KCND2: variants seen among roughly 807,000 people sequenced by gnomAD.
The protein encoded by KCND2 is A-type voltage-gated potassium channel KCND2.
Under a neutral mutation model 54.4 loss-of-function variants are expected in KCND2, and 16 were observed. The ratio of observed to expected loss-of-function variants is 0.29; its 90% confidence interval spans 0.20 to 0.45. The LOEUF is 0.45. KCND2 is among the 20% of genes least tolerant of loss of function. The probability of loss-of-function intolerance (pLI) is 1.00; values close to 1 mark genes in which losing one functional copy is unlikely to be tolerated. For synonymous variants in KCND2, 317 were observed against 310.7 expected (o/e 1.02, Z -0.21); for missense variants, 486 against 824.2 (o/e 0.59, Z 5.02).
intron 1 of KCND2, among the ~76,000 whole-genome samples, chr7:120,336,846 C>G (rs1303268651): frequency 6.6e-6 from 1 of 152,056 alleles, no homozygotes; most frequent in Non-Finnish European, 1.5e-5. Flanking sequence ...AGAAGGATCT[C>G]TAGGAGGCCA....
intron 1 of KCND2, among the ~76,000 whole-genome samples, chr7:120,298,491 G>T (rs758284313): frequency 2.0e-5 from 3 of 152,198 alleles, no homozygotes; most frequent in Non-Finnish European, 4.4e-5. Context: ...TTGAATATCA[G>T]TGTTATTTGG....
intron 1 of KCND2, among the ~76,000 whole-genome samples, chr7:120,504,406 A>G (rs745814430): frequency 6.6e-6 from 1 of 151,884 alleles, no homozygotes; most frequent in Non-Finnish European, 1.5e-5. Flanking sequence ...TTATAAACTC[A>G]AGTATGTGGA....
chr7:120,578,604 C>G (rs1188759832), intron 1 of KCND2, among the ~76,000 whole-genome samples: 1 of 152,138 alleles, frequency 6.6e-6, no homozygotes, highest in Non-Finnish European at 1.5e-5. Flanking sequence ...CAGTGGTTCA[C>G]ACCTGTAATC....
intron 1 of KCND2, among the ~76,000 whole-genome samples, chr7:120,407,470 A>G (rs1381058754): frequency 6.6e-6 from 1 of 152,056 alleles, no homozygotes; most frequent in Non-Finnish European, 1.5e-5. Flanking sequence ...GTTTAGGCAC[A>G]TGGACTTTGG....
At chr7:120,510,001 C>T (rs920484028) in intron 1 of KCND2, among the ~76,000 whole-genome samples, 1 of 152,106 alleles carries the variant, frequency 6.6e-6, no homozygotes, top group Non-Finnish European at 1.5e-5. Flanking sequence ...CTACAGGAAG[C>T]AATCCCTTTT....
chr7:120,359,985 A>G (rs1028525485), intron 1 of KCND2, among the ~76,000 whole-genome samples: 2 of 152,142 alleles, frequency 1.3e-5, no homozygotes, highest in East Asian at 3.9e-4. Context: ...ACTGTGAGTC[A>G]ATTAAACCTC....
chr7:120,406,797 G>T (rs542431486), intron 1 of KCND2, among the ~76,000 whole-genome samples: 65 of 152,044 alleles, frequency 4.3e-4, no homozygotes, highest in Non-Finnish European at 6.9e-4. Context: ...AAAGTAAAAT[G>T]ATCGTTTTTA....
chr7:120,717,288 A>G (rs948261203), intron 1 of KCND2, among the ~76,000 whole-genome samples: 5 of 152,164 alleles, frequency 3.3e-5, no homozygotes, highest in African/African-American at 9.6e-5. Flanking sequence ...GACAATGTCA[A>G]TGACTACTGG....
intron 1 of KCND2, among the ~76,000 whole-genome samples, chr7:120,480,949 GC>G (rs1264792242): frequency 6.6e-6 from 1 of 152,132 alleles, no homozygotes; most frequent in Non-Finnish European, 1.5e-5. Flanking sequence ...GTTTAAAACA[GC>G]CTAGATTGCC....
chr7:120,594,518 A>G (rs916319400), intron 1 of KCND2, among the ~76,000 whole-genome samples: 6 of 152,006 alleles, frequency 3.9e-5, no homozygotes, highest in African/African-American at 1.5e-4. Flanking sequence ...TGGAGGCTCC[A>G]CTCTCTTGAC....
At chr7:120,728,691 A>C (rs1180938272) in intron 1 of KCND2, among the ~76,000 whole-genome samples, 2 of 152,072 alleles carry the variant, frequency 1.3e-5, no homozygotes, top group Non-Finnish European at 2.9e-5. Context: ...AAATATATAT[A>C]TGAATATAAA....
intron 1 of KCND2, among the ~76,000 whole-genome samples, chr7:120,621,183 G>T (rs1421093044): frequency 7.0e-6 from 1 of 142,944 alleles, no homozygotes; most frequent in Non-Finnish European, 1.5e-5. Context: ...TGAGGCAGGA[G>T]AATCACTTGA....
intron 1 of KCND2, among the ~76,000 whole-genome samples, chr7:120,373,508 TAATG>T (rs1008950389): frequency 6.6e-6 from 1 of 151,908 alleles, no homozygotes; most frequent in African/African-American, 2.4e-5. Flanking sequence ...ATGAGAATAA[TAATG>T]AACTTAATTG....
intron 1 of KCND2, among the ~76,000 whole-genome samples, chr7:120,668,823 G>A (rs139900076): frequency 3.5e-4 from 53 of 152,060 alleles, no homozygotes; most frequent in African/African-American, 1.2e-3. Context: ...TACAGTGCTC[G>A]TTGATATTTA....
Position 120,493,187 on chromosome 7 carries a change from A to G in KCND2, c.1115+217440A>G, listed in dbSNP as rs1802807928. On this transcript the variant is annotated intron_variant, in intron 1 of 5. Coordinates refer to ENST00000331113, the MANE Select transcript of KCND2 (RefSeq NM_012281.3). ...TAATTCTTATCTATATATTAGATAT[A>G]TAGATAAATAGATCTATATCATATA... Among the ~76,000 whole-genome samples the G allele has an allele frequency of 5.3e-5, 8 of 150,804 alleles. No individual in the cohort carries two copies. In the Admixed American group the frequency reaches 5.3e-4, roughly 10 times the overall value.
At chr7:120,324,541 A>G (rs1447921834) in intron 1 of KCND2, among the ~76,000 whole-genome samples, 1 of 150,128 alleles carries the variant, frequency 6.7e-6, no homozygotes, top group Non-Finnish European at 1.5e-5. Context: ...TCCCAGCACC[A>G]TTTATTAAAT....
intron 1 of KCND2, among the ~76,000 whole-genome samples, chr7:120,357,988 T>C (rs746891074): frequency 3.5e-4 from 53 of 152,140 alleles, no homozygotes; most frequent in Non-Finnish European, 6.2e-4. Flanking sequence ...GCAAGTATAA[T>C]CATTGTCTTC....
chr7:120,577,148 A>AAATAAT (rs113249495), intron 1 of KCND2, among the ~76,000 whole-genome samples: 2 of 151,128 alleles, frequency 1.3e-5, no homozygotes, highest in South Asian at 2.1e-4. Flanking sequence ...CTCTGTCTCC[A>AAATAAT]AATAATAATA....
chr7:120,684,512 T>A (rs887995471), intron 1 of KCND2, among the ~76,000 whole-genome samples: 3 of 152,162 alleles, frequency 2.0e-5, no homozygotes, highest in Non-Finnish European at 4.4e-5. Context: ...CAAGCAACTT[T>A]TGGCAACACA....
Sources: gnomAD v4.1 joint callset for allele counts (sites outside exome capture counted in the v4.1 genomes callset) on GRCh38, gnomAD v4.1.1 for gene constraint, MANE v1.5 for transcripts, NCBI Gene and HGNC (gene_info 2026-07-23, HGNC 2026-07-21) for gene names.